The following USH1C variants were observed in gnomAD, a reference collection of about 807,000 sequenced individuals.
The protein encoded by USH1C is USH1 protein network component harmonin.
Under a neutral mutation model 119.3 loss-of-function variants are expected in USH1C, and 90 were observed. The observed-to-expected ratio is 0.75, with a 90% CI of 0.64 to 0.90. USH1C has a LOEUF of 0.90. Among genes scored for constraint, USH1C ranks in the 40% least tolerant of loss-of-function variants. USH1C has a pLI of 0.00. For missense variants in USH1C, 1,165 were observed against 1,167.7 expected, an observed-to-expected ratio of 1.00 and a Z score of 0.03; for synonymous variants, 465 against 443.3, an observed-to-expected ratio of 1.05 and a Z score of -0.62.
chr11:17,530,595 TCTA>T (rs1461405148), intron 4 of USH1C, among the ~76,000 whole-genome samples: 3 of 152,222 alleles, frequency 2.0e-5, no homozygotes, highest in African/African-American at 7.2e-5. Flanking sequence ...ATAAGCACTT[TCTA>T]CTATTAATTC....
chr11:17,509,941 G>A, intron 17 of USH1C, 103 bp from the exon 18 acceptor site: 5 of 1,372,788 alleles, frequency 3.6e-6, no homozygotes, highest in South Asian at 2.8e-5. Context: ...TCTTGCTACT[G>A]GAGACCCACC....
rs781166070 is a variant in USH1C, at chr11:17,531,594, G to T, written c.105-52C>A. ...GCCTCACCCCTGGCCATGACCTCAG[G>T]CACCCAGGGATTCCAAGAGGAAGCC... On this transcript the variant is annotated intron_variant, in intron 2 of 26. Transcript: ENST00000005226. This position sits in a 1 kb window ranked among gnomAD's most constrained non-coding sequence, Gnocchi z 4.2. 2 of 1,604,858 alleles carry T rather than the reference G, an allele frequency of 1.2e-6. No individual in the cohort carries two copies. The highest frequency in any genetic ancestry group is 2.2e-5 in the East Asian group (1 of 44,794).
chr11:17,519,633 G>A (rs567189425), intron 14 of USH1C, among the ~76,000 whole-genome samples: 2 of 152,130 alleles, frequency 1.3e-5, no homozygotes, highest in Non-Finnish European at 2.9e-5. Flanking sequence ...CTAAAACAGC[G>A]ATCATTCATT....
rs397517882 is a variant in USH1C, at chr11:17,526,439, G to A, written c.582C>T (p.Gly194=). ...YVDQFVSESG[G]VRGSLGSPGN... ...CAGGGGAGCCCAGGCTGCCTCGCACGCCCTGAAAGAGAGATAGAAGCAGAA... is the reference window on the plus strand; with the variant it reads ...CAGGGGAGCCCAGGCTGCCTCGCACACCCTGAAAGAGAGATAGAAGCAGAA... Residue 194 remains glycine (G), a splice_region_variant and synonymous_variant, in exon 8 of 27, where the codon GGC becomes GGT. Coordinates refer to ENST00000005226, the MANE Select transcript of USH1C (RefSeq NM_153676.4). The A allele has an allele frequency of 8.1e-6, 13 of 1,613,684 alleles. No homozygotes were observed. The highest frequency in any genetic ancestry group is 4.5e-5 in the East Asian group (2 of 44,868).
At chr11:17,516,339 G>C (rs1391901074) in intron 14 of USH1C, 49 bp from the exon 15 acceptor site, 1 of 1,579,972 alleles carries the variant, frequency 6.3e-7, no homozygotes, top group African/African-American at 1.3e-5. Flanking sequence ...AGCTCAGCCA[G>C]AGCATCCATG....
At position 17,531,175 on chromosome 11, in the gene USH1C, C is replaced by G. The variant is rs770187704; in HGVS notation, c.366G>C (p.Gln122His). The change falls in exon 4 of 27, where the codon CAG (glutamine) becomes CAC (histidine). Residue 122 changes from glutamine to histidine, a missense_variant. Gln to His is a conservative substitution (Grantham distance 24, BLOSUM62 0). Transcript: ENST00000005226. This position sits in a 1 kb window ranked among gnomAD's most constrained non-coding sequence, Gnocchi z 4.2. ...TCACCTGGAGCCCGACGCTGTCTGC[C>G]TGACCGCCTTTGATGAGGTGGGAGA... ...LFISHLIKGG[Q>H]ADSVGLQVGD... The G allele has an allele frequency of 6.2e-7, 1 of 1,614,154 alleles. No individual in the cohort carries two copies. The highest frequency in any genetic ancestry group is 8.5e-7 in the Non-Finnish European group (1 of 1,180,032).
intron 12 of USH1C, 52 bp downstream of exon 12, chr11:17,522,732 C>G (rs147022226): frequency 6.2e-7 from 1 of 1,610,766 alleles, no homozygotes; most frequent in African/African-American, 1.3e-5. Context: ...TAGGTGGGGT[C>G]GTGTGGTGGG....
chr11:17,503,363 G>A (rs919322666), intron 20 of USH1C, among the ~76,000 whole-genome samples: 3 of 152,206 alleles, frequency 2.0e-5, no homozygotes, highest in Admixed American at 6.5e-5. Flanking sequence ...TCTCAGGGAT[G>A]GGCCAGATGG....
intron 18 of USH1C, among the ~76,000 whole-genome samples, chr11:17,507,807 T>A (rs1397431315): frequency 6.6e-6 from 1 of 152,328 alleles, no homozygotes; most frequent in Non-Finnish European, 1.5e-5. Context: ...GCACTTGCAA[T>A]GCCCTTGCTC....
At chr11:17,504,529 T>C (rs1591968563) in intron 20 of USH1C, 118 bp downstream of exon 20, 1 of 1,126,792 alleles carries the variant, frequency 8.9e-7, no homozygotes, top group East Asian at 2.4e-5. Flanking sequence ...TGAGGCTTGG[T>C]GGCAGATGGG....
intron 14 of USH1C, 138 bp from the exon 15 acceptor site, chr11:17,516,428 C>T (rs1285773213): frequency 1.1e-5 from 9 of 855,646 alleles, no homozygotes; most frequent in Non-Finnish European, 1.7e-5. Context: ...GACAGCAAAA[C>T]TGCACCCTCT....
chr11:17,527,178 C>T, intron 5 of USH1C, 45 bp downstream of exon 5: 1 of 1,255,568 alleles, frequency 8.0e-7, no homozygotes, highest in Non-Finnish European at 1.1e-6. Flanking sequence ...CGCCCTCCCT[C>T]CCTCCCACCG....
intron 14 of USH1C, among the ~76,000 whole-genome samples, chr11:17,519,872 C>T (rs1850336169): frequency 2.0e-5 from 3 of 152,170 alleles, no homozygotes; most frequent in Admixed American, 2.0e-4. Context: ...GTTGACATTC[C>T]CATAGGTCTC....
Position 17,526,734 on chromosome 11 carries a change from C to T in USH1C, c.579+19G>A. Reference sequence around the variant, plus strand: ...AGATGACCCCACCCAAACCCCATCACAGGAGGTCTGGCCCTTACCCCAGAT... The same window carrying T: ...AGATGACCCCACCCAAACCCCATCATAGGAGGTCTGGCCCTTACCCCAGAT... On this transcript the variant is annotated intron_variant, in intron 7 of 26. Coordinates refer to ENST00000005226, the MANE Select transcript of USH1C (RefSeq NM_153676.4). The T allele has an allele frequency of 6.2e-7, 1 of 1,613,176 alleles. No homozygotes were observed. Among genetic ancestry groups the T allele is most frequent in the Non-Finnish European group, 8.5e-7 (1 of 1,179,182 alleles).
In USH1C at chr11:17,501,097, C is replaced by A. The variant is rs1326150281; in HGVS notation, c.2334G>T (p.Lys778Asn). Residue 778 changes from lysine (K) to asparagine (N), a missense_variant, in exon 23 of 27, where the codon AAG (lysine) becomes AAT (asparagine). Lys to Asn is a moderately conservative substitution (Grantham distance 94, BLOSUM62 0). Coordinates refer to ENST00000005226, the MANE Select transcript of USH1C (RefSeq NM_153676.4). The part of the protein sequence containing the change: ...LEGGVDSPIG[K>N]VVVSAVYERG... ...GCTCATACACAGCAGAAACGACCACCTTCCCAATGGGGGAGTCCACACCGC... is the reference window on the plus strand; with the variant it reads ...GCTCATACACAGCAGAAACGACCACATTCCCAATGGGGGAGTCCACACCGC... 1 of 1,614,126 alleles carries A rather than the reference C, an allele frequency of 6.2e-7. No individual in the cohort carries two copies. The highest frequency in any genetic ancestry group is 8.5e-7 in the Non-Finnish European group (1 of 1,180,022).
chr11:17,527,520 T>C (rs930080156), intron 4 of USH1C, among the ~76,000 whole-genome samples, 189 bp from the exon 5 acceptor site: 1 of 151,980 alleles, frequency 6.6e-6, no homozygotes, highest in Non-Finnish European at 1.5e-5. Flanking sequence ...TCAGGTGGCA[T>C]GTCCAAGCAG....
intron 23 of USH1C, among the ~76,000 whole-genome samples, 157 bp downstream of exon 23, chr11:17,500,892 CCA>C (rs1214118257): frequency 2.0e-5 from 3 of 152,214 alleles, no homozygotes; most frequent in Non-Finnish European, 4.4e-5. Flanking sequence ...TCCCATGCCC[CCA>C]GGGATTGGAC....
At position 17,533,269 on chromosome 11, in the gene USH1C, C is replaced by G; in HGVS notation, c.90G>C (p.Leu30=). The G allele has an allele frequency of 1.2e-6, 2 of 1,613,956 alleles. No individual in the cohort carries two copies. The highest frequency in any genetic ancestry group is 1.7e-6 in the Non-Finnish European group (2 of 1,179,872). ...AGCACACTTACTGGTGGTACATTCG[C>G]AGCACATCATAGAGATAGTCCTTCT... ...DAEKDYLYDV[L]RMYHQTMDVA... The change falls in exon 2 of 27, where the codon CTG becomes CTC. Residue 30 remains leucine, a synonymous_variant. Transcript: ENST00000005226.
chr11:17,528,206 C>A (rs867676895), intron 4 of USH1C, among the ~76,000 whole-genome samples: 1 of 152,180 alleles, frequency 6.6e-6, no homozygotes, highest in Non-Finnish European at 1.5e-5. Context: ...AGTCCTGATC[C>A]CTGAATACTC....
Sources: allele counts gnomAD v4.1 joint callset (sites outside exome capture counted in the v4.1 genomes callset), GRCh38; gene constraint gnomAD v4.1.1; non-coding constraint Gnocchi (gnomAD v3.1); transcripts MANE v1.5; gene names NCBI Gene and HGNC (gene_info 2026-07-23, HGNC 2026-07-21).